Variants in SMLR1 observed in about 807,000 individuals in gnomAD.
SMLR1 encodes the protein small leucine rich protein 1.
In SMLR1, 3 loss-of-function variants were observed where a neutral mutation model predicts 6.1. That is an observed-to-expected ratio of 0.49 (90% CI 0.22 to 1.28). The LOEUF (loss-of-function observed/expected upper bound fraction) is 1.28, where lower values mean the gene tolerates loss of function less well. Among genes scored for constraint, SMLR1 ranks in the 50% most tolerant of loss-of-function variants. The pLI is 0.19. For missense variants in SMLR1, 126 were observed against 124.8 expected, an observed-to-expected ratio of 1.01 and a Z score of -0.05; for synonymous variants, 55 against 53.6, an observed-to-expected ratio of 1.03 and a Z score of -0.11.
rs138215708 is a variant in SMLR1 at position 130,835,741 on chromosome 6, C to T, written c.*786C>T. On this transcript the variant is annotated 3_prime_UTR_variant, in exon 2 of 2. Coordinates refer to ENST00000541421, the MANE Select transcript of SMLR1 (RefSeq NM_001195597.2). ...ATATCTAACTATGCGGATAAGTCAA[C>T]ATTTCACTACAGTTCTTTTTCAGTG... 1.3e-5 allele frequency: 2 copies of T among 152,274 alleles called. No homozygotes were observed. Among genetic ancestry groups the T allele is most frequent in the East Asian group, 3.9e-4 (2 of 5,178 alleles). The allele number at this position is 152,274 out of a possible 1,614,324, so 9.4% of individuals were successfully genotyped here. A position where few individuals can be genotyped will look rare whatever the true frequency, so the allele number is the denominator to read the frequency against.
At chr6:130,828,720 T>G (rs1774352747) in intron 1 of SMLR1, among the ~76,000 whole-genome samples, 1 of 152,206 alleles carries the variant, frequency 6.6e-6, no homozygotes, top group Non-Finnish European at 1.5e-5. Context: ...TAGCCTTTCA[T>G]TTTTCGTGTG....
Position 130,827,597 on chromosome 6 carries a change from G to A in SMLR1, c.184G>A (p.Val62Met), listed in dbSNP as rs1044303. ...CCTGTTCTTTGGGGTCTTCCTCCCC[G>A]TGACTTTGCTGCTGCTCCTCCTCAT... ...WFLFFGVFLP[V>M]TLLLLLLIAY... The change falls in exon 1 of 2, where the codon GTG (valine) becomes ATG (methionine). Residue 62 changes from valine to methionine, a missense_variant. Physicochemically the swap from Val to Met is conservative, Grantham distance 21. Transcript: ENST00000541421. 507,245 of 1,535,464 alleles carry A rather than the reference G, an allele frequency of 0.33. 89,532 individuals are homozygous for A. The highest frequency in any genetic ancestry group is 0.65 in the East Asian group (26,417 of 40,882).
intron 1 of SMLR1, 100 bp from the exon 2 acceptor site, chr6:130,834,770 C>T (rs916645445): frequency 3.5e-5 from 33 of 949,292 alleles, no homozygotes; most frequent in Admixed American, 1.6e-4. Context: ...CTCGCCAAGG[C>T]CACCAGTGTC....
intron 1 of SMLR1, among the ~76,000 whole-genome samples, chr6:130,834,481 A>G (rs1286154309): frequency 6.6e-6 from 1 of 152,186 alleles, no homozygotes; most frequent in Non-Finnish European, 1.5e-5. Context: ...GGTAAAAGGG[A>G]GAAAACTAAT....
rs779147365 is a variant in SMLR1 at position 130,834,879 on chromosome 6, A to G, written c.248A>G (p.Glu83Gly). Residue 83 changes from glutamate to glycine, a missense_variant, in exon 2 of 2, where the codon GAA (glutamate) becomes GGA (glycine). Physicochemically the swap from Glu to Gly is moderately conservative, Grantham distance 98. Coordinates refer to ENST00000541421, the MANE Select transcript of SMLR1 (RefSeq NM_001195597.2). The part of the protein sequence containing the change: ...FRIKLIEVNE[E>G]LSQNCDRQHN... Reference sequence around the variant, plus strand: ...ATATTTTTCCTTTCAGTTAATGAAGAACTGTCCCAGAACTGTGATCGCCAA... The same window carrying G: ...ATATTTTTCCTTTCAGTTAATGAAGGACTGTCCCAGAACTGTGATCGCCAA... The G allele has an allele frequency of 2.6e-6, 4 of 1,535,156 alleles. No homozygotes were observed. The highest frequency in any genetic ancestry group is 2.4e-5 in the South Asian group (2 of 84,016).
At chr6:130,828,509 A>T (rs557746794) in intron 1 of SMLR1, among the ~76,000 whole-genome samples, 5 of 152,346 alleles carry the variant, frequency 3.3e-5, no homozygotes, top group Non-Finnish European at 7.3e-5. Context: ...TTATGTAATA[A>T]CATACATGAA....
chr6:130,830,036 C>A (rs1483611491), intron 1 of SMLR1, among the ~76,000 whole-genome samples: 2 of 152,118 alleles, frequency 1.3e-5, no homozygotes, highest in African/African-American at 4.8e-5. Context: ...GATACTGGGA[C>A]AGATTTTTAC....
In SMLR1 at chr6:130,835,148, TA is replaced by T. The variant is rs2128385027; in HGVS notation, c.*195del. 1 of 565,834 alleles carries T rather than the reference TA, an allele frequency of 1.8e-6. No homozygotes were observed. The highest frequency in any genetic ancestry group is 2.1e-5 in the South Asian group (1 of 46,918). 35.1% of individuals were successfully genotyped at this position (565,834 alleles called of 1,614,324 possible). ...AAGGGGACTTCTCAGAGACTCAGTATAACAGCAGCTCTTGAAAAGTACCAAG... is the reference window on the plus strand; with the variant it reads ...AAGGGGACTTCTCAGAGACTCAGTATACAGCAGCTCTTGAAAAGTACCAAG... On this transcript the variant is annotated 3_prime_UTR_variant, in exon 2 of 2. Coordinates refer to ENST00000541421, the MANE Select transcript of SMLR1 (RefSeq NM_001195597.2).
rs1292536198 is a variant in SMLR1 at position 130,835,823 on chromosome 6, TA to T, written c.*871del. 1.3e-5 allele frequency: 2 copies of T among 152,272 alleles called. No individual in the cohort carries two copies. The highest frequency in any genetic ancestry group is 4.8e-5 in the African/African-American group (2 of 41,574). The allele number at this position is 152,272 out of a possible 1,614,324, so 9.4% of individuals were successfully genotyped here. A position where few individuals can be genotyped will look rare whatever the true frequency, so the allele number is the denominator to read the frequency against. ...AAAGAAACTTAATTCTAGGGGTAGT[TA>T]AACGAGATTGTGGTTACTGTTGTGC... On this transcript the variant is annotated 3_prime_UTR_variant, in exon 2 of 2. Transcript: ENST00000541421.
intron 1 of SMLR1, among the ~76,000 whole-genome samples, chr6:130,832,763 C>A (rs1475796407): frequency 1.3e-5 from 2 of 152,136 alleles, no homozygotes; most frequent in Non-Finnish European, 2.9e-5. Flanking sequence ...CCAGAGATAG[C>A]CCCTCTTCAC....
intron 1 of SMLR1, among the ~76,000 whole-genome samples, chr6:130,829,453 T>C (rs1159585007): frequency 6.6e-6 from 1 of 152,192 alleles, no homozygotes; most frequent in Non-Finnish European, 1.5e-5. Flanking sequence ...GTGCAGGGTA[T>C]GGCCTGGCAT....
In SMLR1 at chr6:130,835,667, G is replaced by A. The variant is rs1774632257; in HGVS notation, c.*712G>A. The A allele has an allele frequency of 6.6e-6, 1 of 152,196 alleles. No individual in the cohort carries two copies. Among genetic ancestry groups the A allele is most frequent in the African/African-American group, 2.4e-5 (1 of 41,448 alleles). 9.4% of individuals were successfully genotyped at this position (152,196 alleles called of 1,614,324 possible). ...AGGGCAGAATGTTCACATAATTCCT[G>A]AGGAGGAGAATACAAGTCTTTGCCT... On this transcript the variant is annotated 3_prime_UTR_variant, in exon 2 of 2. Coordinates refer to ENST00000541421, the MANE Select transcript of SMLR1 (RefSeq NM_001195597.2).
intron 1 of SMLR1, among the ~76,000 whole-genome samples, chr6:130,833,710 T>C (rs181612718): frequency 1.3e-5 from 2 of 152,222 alleles, no homozygotes; most frequent in Admixed American, 6.5e-5. Context: ...ACGAGAAAGA[T>C]TGCAAAGGGC....
Position 130,827,598 on chromosome 6 carries a change from T to A in SMLR1, c.185T>A (p.Val62Glu). 6.5e-7 allele frequency: 1 copy of A among 1,536,002 alleles called. No individual in the cohort carries two copies. The highest frequency in any genetic ancestry group is 1.2e-5 in the South Asian group (1 of 84,054). ...CTGTTCTTTGGGGTCTTCCTCCCCG[T>A]GACTTTGCTGCTGCTCCTCCTCATC... ...WFLFFGVFLP[V>E]TLLLLLLIAY... The change falls in exon 1 of 2, where the codon GTG (valine) becomes GAG (glutamate). Residue 62 changes from valine to glutamate, a missense_variant. Physicochemically the swap from Val to Glu is moderately radical, Grantham distance 121. Transcript: ENST00000541421.
chr6:130,827,848 T>C (rs1201071271), intron 1 of SMLR1, among the ~76,000 whole-genome samples, 197 bp downstream of exon 1: 2 of 149,734 alleles, frequency 1.3e-5, no homozygotes, highest in African/African-American at 4.9e-5. Context: ...GTGTGGATCT[T>C]GTGCTGAGAT....
Position 130,827,559 on chromosome 6 carries a change from T to C in SMLR1, c.146T>C (p.Leu49Pro), listed in dbSNP as rs1774313071. Residue 49 changes from leucine to proline, a missense_variant, in exon 1 of 2, where the codon CTC (leucine) becomes CCC (proline). By Grantham distance (98) the Leu-to-Pro change is moderately conservative. Coordinates refer to ENST00000541421, the MANE Select transcript of SMLR1 (RefSeq NM_001195597.2). ...SSVLSAFMRE[L>P]PGWFLFFGVF... is the part of the protein sequence containing the mutation. ...GTGCTGTCAGCTTTCATGAGGGAGC[T>C]CCCTGGCTGGTTCCTGTTCTTTGGG... The C allele has an allele frequency of 5.9e-6, 9 of 1,535,846 alleles. No individual in the cohort carries two copies. Among genetic ancestry groups the C allele is most frequent in the Non-Finnish European group, 7.8e-6 (9 of 1,146,848 alleles).
chr6:130,831,837 G>A (rs1774459347), intron 1 of SMLR1, among the ~76,000 whole-genome samples: 1 of 152,230 alleles, frequency 6.6e-6, no homozygotes. Context: ...TCAGACAAGA[G>A]AGCCATTTTA....
At chr6:130,833,696 T>C (rs552636159) in intron 1 of SMLR1, among the ~76,000 whole-genome samples, 87 of 152,226 alleles carry the variant, frequency 5.7e-4, no homozygotes, top group African/African-American at 1.5e-3. Flanking sequence ...ATCACAAGAA[T>C]TGAACGAGAA....
Position 130,834,852 on chromosome 6 carries a change from T to C in SMLR1, c.239-18T>C. 1 of 1,531,358 alleles carries C rather than the reference T, an allele frequency of 6.5e-7. No individual in the cohort carries two copies. The allele number at this position is 1,531,358 out of a possible 1,614,324, so 94.9% of individuals were successfully genotyped here. ...ACTCAGATGTCTCCAAATTATTAAC[T>C]AATATTTTTCCTTTCAGTTAATGAA... On this transcript the variant is annotated intron_variant, in intron 1 of 1. Coordinates refer to ENST00000541421, the MANE Select transcript of SMLR1 (RefSeq NM_001195597.2).
Sources: gnomAD v4.1 joint callset for allele counts (sites outside exome capture counted in the v4.1 genomes callset) on GRCh38, gnomAD v4.1.1 for gene constraint, MANE v1.5 for transcripts, NCBI Gene and HGNC (gene_info 2026-07-23, HGNC 2026-07-21) for gene names.